The following ANKRD11 variants were observed in gnomAD, a reference collection of about 807,000 sequenced individuals.
ANKRD11 encodes the protein ankyrin repeat domain 11.
A neutral mutation model predicts 195.7 loss-of-function variants in ANKRD11; 17 were observed. The observed-to-expected ratio is 0.09, with a 90% confidence interval of 0.06 to 0.13. The LOEUF (loss-of-function observed/expected upper bound fraction) is 0.13. ANKRD11 is among the 10% of genes least tolerant of loss of function. The probability of loss-of-function intolerance (pLI) is 1.00; values close to 1 mark genes in which losing one functional copy is unlikely to be tolerated. For synonymous variants in ANKRD11, 1,953 were observed against 1,528.1 expected, an observed-to-expected ratio of 1.28 and a Z score of -6.49; for missense variants, 3,735 against 3,566.1, an observed-to-expected ratio of 1.05 and a Z score of -1.21.
At chr16:89,310,028 G>A (rs1206493357) in intron 3 of ANKRD11, among the ~76,000 whole-genome samples, 1 of 152,210 alleles carries the variant, frequency 6.6e-6, no homozygotes, top group Non-Finnish European at 1.5e-5. Context: ...ACACACAGAG[G>A]AAAGAGAAAG....
In ANKRD11 at chr16:89,281,245, A is replaced by G. The variant is rs765968892; in HGVS notation, c.5297T>C (p.Val1766Ala). The G allele has an allele frequency of 1.2e-6, 2 of 1,614,086 alleles. No individual in the cohort carries two copies. The highest frequency in any genetic ancestry group is 4.5e-5 in the East Asian group (2 of 44,890). The change falls in exon 9 of 13, where the codon GTG (valine) becomes GCG (alanine). Residue 1766 changes from valine (V) to alanine (A), a missense_variant. By Grantham distance (64) the Val-to-Ala change is moderately conservative. Transcript: ENST00000301030. The surrounding 1 kb of genome is among the most constrained non-coding windows in gnomAD (Gnocchi z 5.5). ...CSPSFFDRFS[V>A]ASSGLSENAS... The stretch of plus-strand genomic sequence containing the variant: ...GTTTTCCGAAAGCCCACTTGAAGCC[A>G]CGGAGAACCTGTCGAAAAAGGAGGG...
chr16:89,433,516 C>T (rs1015573529), intron 1 of ANKRD11, among the ~76,000 whole-genome samples: 1 of 152,234 alleles, frequency 6.6e-6, no homozygotes, highest in Non-Finnish European at 1.5e-5. Context: ...TCCAGCAACA[C>T]TAAAAGGCCT....
intron 4 of ANKRD11, among the ~76,000 whole-genome samples, chr16:89,293,652 G>A (rs2035222814): frequency 1.4e-5 from 2 of 140,894 alleles, no homozygotes; most frequent in Admixed American, 7.0e-5. Flanking sequence ...GGGAGGAGGC[G>A]GGGTGGTATT....
At chr16:89,377,931 C>T (rs145509041) in intron 2 of ANKRD11, among the ~76,000 whole-genome samples, 54 of 152,256 alleles carry the variant, frequency 3.5e-4, no homozygotes, top group African/African-American at 1.2e-3. Context: ...GGATGAAGAC[C>T]TTCATGATGA....
Position 89,282,236 on chromosome 16 carries a change from C to G in ANKRD11, c.4306G>C (p.Glu1436Gln). The change falls in exon 9 of 13, where the codon GAA (glutamate) becomes CAA (glutamine). Residue 1436 changes from glutamate to glutamine, a missense_variant. Transcript: ENST00000301030. ...TCCTTTTCTATTTTCTTGGAAGGTT[C>G]TCTCTCGGAATCATTTTTATCTTTC... The part of the protein sequence containing the change: ...EKKDKNDSER[E>Q]PSKKIEKELK... The G allele has an allele frequency of 5.0e-6, 8 of 1,613,872 alleles. No individual in the cohort carries two copies. The highest frequency in any genetic ancestry group is 5.9e-6 in the Non-Finnish European group (7 of 1,180,004).
intron 2 of ANKRD11, among the ~76,000 whole-genome samples, chr16:89,380,681 G>T (rs1473739803): frequency 1.3e-5 from 2 of 152,222 alleles, no homozygotes; most frequent in African/African-American, 4.8e-5. Flanking sequence ...AGAAATAAAT[G>T]AAGGAAAGCC....
intron 1 of ANKRD11, among the ~76,000 whole-genome samples, chr16:89,422,765 C>T (rs2042567695): frequency 6.6e-6 from 1 of 152,210 alleles, no homozygotes; most frequent in African/African-American, 2.4e-5. Context: ...CAAGATTGCT[C>T]ATGTTTTTAT....
intron 2 of ANKRD11, among the ~76,000 whole-genome samples, chr16:89,349,686 G>T (rs1291845068): frequency 6.6e-6 from 1 of 152,102 alleles, no homozygotes; most frequent in African/African-American, 2.4e-5. Context: ...TGAAAACTAT[G>T]TATCTTGTAG....
chr16:89,338,081 A>G (rs565042296), intron 2 of ANKRD11, among the ~76,000 whole-genome samples: 2 of 152,266 alleles, frequency 1.3e-5, no homozygotes, highest in African/African-American at 2.4e-5. Context: ...GCCACTCAGG[A>G]GCCCCAGGGG....
At position 89,282,050 on chromosome 16, in the gene ANKRD11, C is replaced by T; in HGVS notation, c.4492G>A (p.Asp1498Asn). The T allele has an allele frequency of 6.2e-7, 1 of 1,612,166 alleles. No homozygotes were observed. Among genetic ancestry groups the T allele is most frequent in the Non-Finnish European group, 8.5e-7 (1 of 1,179,060 alleles). Residue 1498 changes from aspartate (D) to asparagine (N), a missense_variant, in exon 9 of 13, where the codon GAC becomes AAC. Transcript: ENST00000301030. ...TCCCTGGTGGCGGGCTTCTGCTCGT[C>T]CCTGTGATGCCGCAGGAGCTCGTCC... ...HRDELLRHHR[D>N]EQKPATRDKD...
chr16:89,354,261 G>C lies in ANKRD11; in HGVS notation c.-59-37183C>G, dbSNP rs373754158. Among the ~76,000 whole-genome samples, 17 of 114,486 alleles carry C rather than the reference G, an allele frequency of 1.5e-4. No homozygotes were observed. In the East Asian group the frequency reaches 3.3e-3, roughly 22 times the overall value. The allele number at this position is 114,486 out of a possible 152,430, so 75.1% of individuals were successfully genotyped here. A position where few individuals can be genotyped will look rare whatever the true frequency, so the allele number is the denominator to read the frequency against. ...ATTCAGCCAAAAAAAAAAAAAAAAA[G>C]AAAACTTCATGTTGAAACACTGTAT... On this transcript the variant is annotated intron_variant, in intron 2 of 12. Coordinates refer to ENST00000301030, the MANE Select transcript of ANKRD11 (RefSeq NM_013275.6).
intron 9 of ANKRD11, chr16:89,277,817 G>GAA (rs957947714): frequency 1.3e-5 from 2 of 153,734 alleles, no homozygotes; most frequent in African/African-American, 4.8e-5. Context: ...CAGCAGCACA[G>GAA]ACCCAGCCTC....
At chr16:89,344,771 G>A (rs1159375821) in intron 2 of ANKRD11, among the ~76,000 whole-genome samples, 1 of 152,116 alleles carries the variant, frequency 6.6e-6, no homozygotes, top group Non-Finnish European at 1.5e-5. Flanking sequence ...ACAGCGGAGG[G>A]CCAGACGTGA....
intron 1 of ANKRD11, among the ~76,000 whole-genome samples, chr16:89,473,225 G>C (rs1243334501): frequency 6.6e-6 from 1 of 151,552 alleles, no homozygotes; most frequent in Non-Finnish European, 1.5e-5. Flanking sequence ...TGAAGGATGA[G>C]TAGGCATCAG....
chr16:89,380,976 A>C (rs1255528574), intron 2 of ANKRD11, among the ~76,000 whole-genome samples: 1 of 152,146 alleles, frequency 6.6e-6, no homozygotes, highest in East Asian at 1.9e-4. Context: ...CAAGGTTCTA[A>C]GGGGCTCCGA....
intron 2 of ANKRD11, among the ~76,000 whole-genome samples, chr16:89,412,804 C>T (rs911251823): frequency 9.2e-5 from 14 of 152,094 alleles, no homozygotes; most frequent in African/African-American, 1.2e-4. Flanking sequence ...AAAAGAAATA[C>T]AGTAACCGCA....
At chr16:89,367,344 G>T (rs1484873055) in intron 2 of ANKRD11, among the ~76,000 whole-genome samples, 1 of 152,216 alleles carries the variant, frequency 6.6e-6, no homozygotes, top group Non-Finnish European at 1.5e-5. Flanking sequence ...CAGTGGCGGC[G>T]CCCAGAGCGG....
chr16:89,430,650 T>C (rs558624688), intron 1 of ANKRD11, among the ~76,000 whole-genome samples: 99 of 152,338 alleles, frequency 6.5e-4, no homozygotes, highest in Non-Finnish European at 1.0e-3. Context: ...CTTGGATGAA[T>C]GGCTGATTGG....
chr16:89,345,617 AG>A (rs2038904453), intron 2 of ANKRD11, among the ~76,000 whole-genome samples: 1 of 152,272 alleles, frequency 6.6e-6, no homozygotes. Context: ...AAACAGGCTA[AG>A]GGAAAAAAGT....
Sources: allele counts gnomAD v4.1 joint callset (sites outside exome capture counted in the v4.1 genomes callset), GRCh38; gene constraint gnomAD v4.1.1; non-coding constraint Gnocchi (gnomAD v3.1); transcripts MANE v1.5; gene names NCBI Gene and HGNC (gene_info 2026-07-23, HGNC 2026-07-21).